ADK: variants seen among roughly 807,000 people sequenced by gnomAD.
ADK encodes the protein adenosine kinase.
A neutral mutation model predicts 44.7 loss-of-function variants in ADK; 24 were observed. The observed-to-expected ratio is 0.54, with a 90% CI of 0.39 to 0.76. The LOEUF (loss-of-function observed/expected upper bound fraction) is 0.76. Among genes scored for constraint, ADK ranks in the 30% least tolerant of loss-of-function variants. ADK has a pLI of 0.00. For synonymous variants in ADK, 128 were observed against 142.6 expected, an observed-to-expected ratio of 0.90 and a Z score of 0.73; for missense variants, 321 against 425.1, an observed-to-expected ratio of 0.76 and a Z score of 2.15.
chr10:74,376,673 A>G (rs1842828820), intron 4 of ADK, among the ~76,000 whole-genome samples: 1 of 152,166 alleles, frequency 6.6e-6, no homozygotes, highest in Non-Finnish European at 1.5e-5. Flanking sequence ...AATTGTTTCA[A>G]AAATAGCCTT....
intron 4 of ADK, among the ~76,000 whole-genome samples, chr10:74,367,419 T>A (rs1288454102): frequency 2.0e-5 from 3 of 152,196 alleles, no homozygotes; most frequent in Admixed American, 6.5e-5. Flanking sequence ...TGAATTTTTC[T>A]GAGGATACAT....
intron 4 of ADK, among the ~76,000 whole-genome samples, chr10:74,381,337 G>A (rs1264205706): frequency 1.3e-5 from 2 of 152,096 alleles, no homozygotes; most frequent in Admixed American, 1.3e-4. Context: ...ATGGTAAATA[G>A]TTTCATGTAT....
At chr10:74,669,449 C>T (rs1005514257) in intron 9 of ADK, among the ~76,000 whole-genome samples, 1 of 152,144 alleles carries the variant, frequency 6.6e-6, no homozygotes, top group Admixed American at 6.5e-5. Context: ...GTTTAAAGTA[C>T]TAAATTAGGT....
chr10:74,365,161 A>T (rs1842459528), intron 4 of ADK, among the ~76,000 whole-genome samples: 1 of 151,392 alleles, frequency 6.6e-6, no homozygotes, highest in Non-Finnish European at 1.5e-5. Flanking sequence ...TAAAGTATAC[A>T]ATTCAGTGGC....
chr10:74,258,572 C>T (rs757982214), intron 3 of ADK, among the ~76,000 whole-genome samples: 10 of 152,068 alleles, frequency 6.6e-5, no homozygotes, highest in Non-Finnish European at 1.3e-4. Flanking sequence ...GGATACGGTA[C>T]ATCATTAATC....
At chr10:74,605,491 A>G (rs893844631) in intron 9 of ADK, among the ~76,000 whole-genome samples, 5 of 152,110 alleles carry the variant, frequency 3.3e-5, no homozygotes, top group African/African-American at 1.2e-4. Context: ...TTCTGCATCT[A>G]TTGAGGTAAT....
chr10:74,401,576 T>G (rs1017072831), intron 6 of ADK, among the ~76,000 whole-genome samples: 2 of 152,304 alleles, frequency 1.3e-5, no homozygotes, highest in African/African-American at 4.8e-5. Flanking sequence ...GCTTTTTTTT[T>G]TTGTTTTCCA....
At chr10:74,260,307 C>G (rs1488566130) in intron 3 of ADK, among the ~76,000 whole-genome samples, 1 of 152,158 alleles carries the variant, frequency 6.6e-6, no homozygotes, top group African/African-American at 2.4e-5. Context: ...TTCTTGCCCT[C>G]TCACCAGGTT....
intron 6 of ADK, among the ~76,000 whole-genome samples, chr10:74,508,691 T>G (rs1199620221): frequency 6.6e-6 from 1 of 152,136 alleles, no homozygotes; most frequent in East Asian, 1.9e-4. Flanking sequence ...CAAATTATCT[T>G]CATCTGACTT....
At chr10:74,295,583 C>G (rs368376597) in intron 3 of ADK, among the ~76,000 whole-genome samples, 1 of 151,412 alleles carries the variant, frequency 6.6e-6, no homozygotes, top group East Asian at 1.9e-4. Flanking sequence ...TTTGATGAAC[C>G]GATGTTCTTC....
chr10:74,300,213 ATTG>A (rs1190466755), intron 3 of ADK, among the ~76,000 whole-genome samples: 5 of 141,738 alleles, frequency 3.5e-5, no homozygotes, highest in Non-Finnish European at 4.6e-5. Context: ...TGATACTGAT[ATTG>A]TTGTTGTTTG....
At chr10:74,554,039 T>C (rs1405361522) in intron 7 of ADK, among the ~76,000 whole-genome samples, 1 of 152,224 alleles carries the variant, frequency 6.6e-6, no homozygotes, top group East Asian at 1.9e-4. Flanking sequence ...ATGAAGAAGG[T>C]GAATCTTTTG....
chr10:74,598,644 T>C (rs1168649056), intron 8 of ADK, among the ~76,000 whole-genome samples: 3 of 151,978 alleles, frequency 2.0e-5, no homozygotes, highest in African/African-American at 7.3e-5. Flanking sequence ...AAAGACGGGA[T>C]TTCACCATGT....
At position 74,206,315 on chromosome 10, in the gene ADK, A is replaced by T. The variant is rs768990187; in HGVS notation, c.140+5477A>T. Among the ~76,000 whole-genome samples the T allele has an allele frequency of 2.6e-5, 4 of 152,254 alleles. No homozygotes were observed. In the South Asian group the frequency reaches 8.3e-4, roughly 32 times the overall value. On this transcript the variant is annotated intron_variant, in intron 2 of 10. Transcript: ENST00000539909. ...GAAGAAAGATAAGATTGGAAGTTTT[A>T]TAAAAAGGTGAAATGTTTTGTATTG...
intron 9 of ADK, among the ~76,000 whole-genome samples, chr10:74,621,599 T>C (rs1852996556): frequency 6.6e-6 from 1 of 152,240 alleles, no homozygotes; most frequent in Non-Finnish European, 1.5e-5. Context: ...TTTCTATTTC[T>C]GTGAAGAATG....
chr10:74,551,138 C>A (rs1183273263), intron 7 of ADK, among the ~76,000 whole-genome samples: 2 of 152,172 alleles, frequency 1.3e-5, no homozygotes, highest in Non-Finnish European at 1.5e-5. Context: ...CACACACATA[C>A]AGTCATACAG....
At position 74,600,240 on chromosome 10, in the gene ADK, G is replaced by A. The variant is rs1852066717; in HGVS notation, c.763-139G>A. 1.3e-5 allele frequency: 8 copies of A among 599,432 alleles called. No homozygotes were observed. The South Asian group carries it at 1.6e-4, about 12-fold the overall frequency. 37.1% of individuals were successfully genotyped at this position (599,432 alleles called of 1,614,324 possible). On this transcript the variant is annotated intron_variant, in intron 8 of 10. Transcript: ENST00000539909. ...GCTATTCTATTTACTTTTGTATATG[G>A]TTAAAGAAATTTTTAATGTCTCTTA... is the stretch of plus-strand genomic sequence containing the variant.
At chr10:74,421,455 G>A (rs1386811638) in intron 6 of ADK, among the ~76,000 whole-genome samples, 1 of 152,168 alleles carries the variant, frequency 6.6e-6, no homozygotes, top group Non-Finnish European at 1.5e-5. Flanking sequence ...ATTTACTCAT[G>A]TTTAGCTTAA....
chr10:74,266,283 G>A (rs1160997701), intron 3 of ADK, among the ~76,000 whole-genome samples: 1 of 152,176 alleles, frequency 6.6e-6, no homozygotes, highest in Non-Finnish European at 1.5e-5. Context: ...AGGCGGCCGG[G>A]CACAGTGGCT....
Sources: gnomAD v4.1 joint callset for allele counts (sites outside exome capture counted in the v4.1 genomes callset) on GRCh38, gnomAD v4.1.1 for gene constraint, MANE v1.5 for transcripts, NCBI Gene and HGNC (gene_info 2026-07-23, HGNC 2026-07-21) for gene names.